Variants in RBFOX2 observed in about 807,000 individuals in gnomAD.
The protein encoded by RBFOX2 is RNA binding fox-1 homolog 2.
A neutral mutation model predicts 49.1 loss-of-function variants in RBFOX2; 10 were observed. The observed-to-expected ratio is 0.20, with a 90% CI of 0.13 to 0.35. RBFOX2 has a LOEUF of 0.35. RBFOX2 is among the 10% of genes least tolerant of loss of function. The probability of loss-of-function intolerance (pLI) is 1.00; values close to 1 mark genes in which losing one functional copy is unlikely to be tolerated. For missense variants in RBFOX2, 323 were observed against 486.9 expected (o/e 0.66, Z 3.17); for synonymous variants, 183 against 187.4 (o/e 0.98, Z 0.19).
At chr22:35,912,179 G>A (rs961128677) in intron 1 of RBFOX2, among the ~76,000 whole-genome samples, 3 of 152,108 alleles carry the variant, frequency 2.0e-5, no homozygotes, top group Non-Finnish European at 2.9e-5. Context: ...AGCATACTAC[G>A]TATACTTCTC....
chr22:35,853,440 A>G (rs891422508), intron 1 of RBFOX2, among the ~76,000 whole-genome samples: 4 of 152,160 alleles, frequency 2.6e-5, no homozygotes, highest in African/African-American at 9.7e-5. Flanking sequence ...ATGTAATTAG[A>G]CTTTGAAAAG....
At position 35,822,989 on chromosome 22, in the gene RBFOX2, A is replaced by T. The variant is rs1057354128; in HGVS notation, c.28-12985T>A. ...TAGGCACCTGCCACCACGCCTGGCTAATTTTTGCATTTTTAGTAGAGACAG... is the reference window on the plus strand; with the variant it reads ...TAGGCACCTGCCACCACGCCTGGCTTATTTTTGCATTTTTAGTAGAGACAG... On this transcript the variant is annotated intron_variant, in intron 1 of 11. Transcript: ENST00000405409. 2.5e-4 allele frequency: 80 copies of T among 314,814 alleles called. 2 individuals carry two copies. The highest frequency in any genetic ancestry group is 2.1e-3 in the South Asian group (79 of 37,906). 19.5% of individuals were successfully genotyped at this position (314,814 alleles called of 1,614,324 possible).
intron 1 of RBFOX2, among the ~76,000 whole-genome samples, chr22:35,894,176 A>C (rs2047568318): frequency 6.6e-6 from 1 of 152,150 alleles, no homozygotes; most frequent in Admixed American, 6.5e-5. Flanking sequence ...AAGGTACTAC[A>C]TTCCTGGCAA....
At chr22:35,742,820 T>A (rs1025786073) in exon 12 of RBFOX2, 1 of 152,382 alleles carries the variant, frequency 6.6e-6, no homozygotes, top group East Asian at 1.9e-4. Context: ...CCTTCCAATA[T>A]GGGAGGGCAG....
intron 2 of RBFOX2, among the ~76,000 whole-genome samples, chr22:35,799,643 T>C (rs1214849898): frequency 1.3e-5 from 2 of 152,108 alleles, no homozygotes; most frequent in Non-Finnish European, 2.9e-5. Context: ...AAAAGACTTA[T>C]GATGGTTAAA....
chr22:35,768,311 T>G (rs894908207), exon 5 of RBFOX2: 2 of 1,614,214 alleles, frequency 1.2e-6, no homozygotes, highest in South Asian at 1.1e-5. Context: ...TGGCCCTGTC[T>G]GCATCAGCAC....
intron 1 of RBFOX2, among the ~76,000 whole-genome samples, chr22:35,922,267 T>A (rs1569490483): frequency 6.6e-6 from 1 of 152,180 alleles, no homozygotes; most frequent in Non-Finnish European, 1.5e-5. Context: ...AAATACAATG[T>A]GAAACTCTGT....
At chr22:35,745,282 A>C (rs1450038840) in intron 11 of RBFOX2, among the ~76,000 whole-genome samples, 2 of 152,220 alleles carry the variant, frequency 1.3e-5, no homozygotes, top group African/African-American at 2.4e-5. Flanking sequence ...AGTCCTAATC[A>C]CTGAAACTGG....
chr22:35,978,546 G>A (rs535842897), intron 1 of RBFOX2, among the ~76,000 whole-genome samples: 20 of 152,234 alleles, frequency 1.3e-4, no homozygotes, highest in African/African-American at 4.8e-4. Context: ...CCAAGGCTTT[G>A]GTAGGAAAAG....
chr22:35,929,296 AG>A (rs2052069253), intron 1 of RBFOX2, among the ~76,000 whole-genome samples: 1 of 151,892 alleles, frequency 6.6e-6, no homozygotes, highest in African/African-American at 2.4e-5. Flanking sequence ...TCTCTTAAAA[AG>A]AAGAAATTAT....
chr22:35,832,934 G>A (rs1465184529), intron 1 of RBFOX2, among the ~76,000 whole-genome samples: 1 of 152,170 alleles, frequency 6.6e-6, no homozygotes, highest in Non-Finnish European at 1.5e-5. Flanking sequence ...ATAGCTAGAA[G>A]GGGAGATTTG....
intron 1 of RBFOX2, among the ~76,000 whole-genome samples, chr22:36,005,418 A>C (rs1436535822): frequency 1.3e-5 from 2 of 152,252 alleles, no homozygotes; most frequent in Admixed American, 6.5e-5. Flanking sequence ...GTGAGATGCA[A>C]AGAAGTGTCT....
At chr22:35,773,186 A>G (rs556715638) in intron 4 of RBFOX2, among the ~76,000 whole-genome samples, 3 of 152,122 alleles carry the variant, frequency 2.0e-5, no homozygotes, top group Admixed American at 1.3e-4. Context: ...TGTGACTTCC[A>G]AAAAAGTATT....
At chr22:35,961,888 A>C (rs559049385), upstream of RBFOX2, among the ~76,000 whole-genome samples, 6 of 152,180 alleles carry the variant, frequency 3.9e-5, no homozygotes, top group African/African-American at 1.2e-4. Context: ...ACCCCACCCA[A>C]AAGTGGCTGC....
intron 1 of RBFOX2, among the ~76,000 whole-genome samples, chr22:36,003,852 TCA>T (rs2058523190): frequency 6.6e-6 from 1 of 152,152 alleles, no homozygotes; most frequent in African/African-American, 2.4e-5. Context: ...AGAGAAACAG[TCA>T]CATTCAACAA....
At position 35,899,424 on chromosome 22, in the gene RBFOX2, G is replaced by C. The variant is rs529936995; in HGVS notation, c.-34+39423C>G. On this transcript the variant is annotated intron_variant, in intron 1 of 13. Coordinates refer to the RBFOX2 transcript ENST00000359369. ...TTCTGATCATAATCTTTAAAATTAG[G>C]TGGTCAGTCTGGTCAGAAATAAAAC... 4.9e-4 allele frequency among the ~76,000 whole-genome samples: 75 copies of C among 151,736 alleles called. No individual in the cohort carries two copies. The South Asian group carries it at 0.015, about 29-fold the overall frequency.
intron 1 of RBFOX2, among the ~76,000 whole-genome samples, chr22:36,017,474 G>A (rs2059084827): frequency 6.6e-6 from 1 of 152,094 alleles, no homozygotes; most frequent in Non-Finnish European, 1.5e-5. Context: ...GTTGCAGTGA[G>A]CCGAGATCAT....
intron 2 of RBFOX2, among the ~76,000 whole-genome samples, chr22:35,782,789 C>A (rs1396822442): frequency 2.6e-5 from 4 of 152,162 alleles, no homozygotes; most frequent in African/African-American, 9.7e-5. Context: ...TGCTAATTAG[C>A]ATAAAAATGC....
At chr22:35,754,952 G>A (rs1936420199) in intron 9 of RBFOX2, among the ~76,000 whole-genome samples, 1 of 152,150 alleles carries the variant, frequency 6.6e-6, no homozygotes, top group Non-Finnish European at 1.5e-5. Context: ...AGTAGTACAG[G>A]TGAGTCACCT....
Sources: gnomAD v4.1 joint callset for allele counts (sites outside exome capture counted in the v4.1 genomes callset) on GRCh38, gnomAD v4.1.1 for gene constraint, MANE v1.5 for transcripts, NCBI Gene and HGNC (gene_info 2026-07-23, HGNC 2026-07-21) for gene names.